MDGA2: variants seen among roughly 807,000 people sequenced by gnomAD.
MDGA2 encodes MAM domain containing glycosylphosphatidylinositol anchor 2.
A neutral mutation model predicts 117.8 loss-of-function variants in MDGA2; 40 were observed. That is an observed-to-expected ratio of 0.34 (90% CI 0.26 to 0.44). MDGA2 has a LOEUF of 0.44. Among genes scored for constraint, MDGA2 ranks in the 20% least tolerant of loss-of-function variants. The pLI, the probability that MDGA2 is intolerant of heterozygous loss-of-function variation, is 1.00. For missense variants in MDGA2, 1,123 were observed against 1,250.6 expected (o/e 0.90, Z 1.54); for synonymous variants, 452 against 439.0 (o/e 1.03, Z -0.37).
chr14:47,216,908 T>C (rs1886110335), intron 3 of MDGA2, among the ~76,000 whole-genome samples: 1 of 151,966 alleles, frequency 6.6e-6, no homozygotes, highest in South Asian at 2.1e-4. Flanking sequence ...TGAATTATGC[T>C]AAGGGATGAG....
At chr14:47,069,438 C>T (rs905664366) in intron 6 of MDGA2, among the ~76,000 whole-genome samples, 28 of 152,092 alleles carry the variant, frequency 1.8e-4, no homozygotes, top group African/African-American at 6.0e-4. Context: ...CTCCCTGGTT[C>T]ATTTGAGTTC....
At chr14:46,876,163 TAAGC>T (rs1595013702) in intron 12 of MDGA2, among the ~76,000 whole-genome samples, 1 of 151,474 alleles carries the variant, frequency 6.6e-6, no homozygotes, top group East Asian at 1.9e-4. Flanking sequence ...CAAAGATACT[TAAGC>T]AACATCAATA....
chr14:47,389,488 G>A (rs890580016), intron 1 of MDGA2, among the ~76,000 whole-genome samples: 3 of 151,432 alleles, frequency 2.0e-5, no homozygotes, highest in Admixed American at 6.6e-5. Context: ...GTCTTTTTTT[G>A]AAAACTGCTT....
At chr14:47,346,773 C>A (rs546205975) in intron 1 of MDGA2, among the ~76,000 whole-genome samples, 1 of 152,028 alleles carries the variant, frequency 6.6e-6, no homozygotes, top group South Asian at 2.1e-4. Flanking sequence ...ACTGGGAATA[C>A]AATAATAGAT....
At chr14:47,188,637 T>C (rs1352373042) in intron 3 of MDGA2, among the ~76,000 whole-genome samples, 5 of 152,204 alleles carry the variant, frequency 3.3e-5, no homozygotes, top group African/African-American at 1.2e-4. Flanking sequence ...GGGTAATTTA[T>C]TCCACAGTAA....
intron 1 of MDGA2, among the ~76,000 whole-genome samples, chr14:47,372,370 A>C (rs1373283358): frequency 6.6e-6 from 1 of 151,934 alleles, no homozygotes; most frequent in African/African-American, 2.4e-5. Flanking sequence ...AGCTCCAATA[A>C]ATTGTAGGAA....
At chr14:47,118,209 T>C (rs1408147781) in intron 5 of MDGA2, among the ~76,000 whole-genome samples, 1 of 152,166 alleles carries the variant, frequency 6.6e-6, no homozygotes, top group East Asian at 1.9e-4. Flanking sequence ...ACATTTCTTA[T>C]CAGGGATTTC....
At chr14:47,271,978 AAAC>A (rs1299896943) in intron 2 of MDGA2, among the ~76,000 whole-genome samples, 2 of 151,108 alleles carry the variant, frequency 1.3e-5, no homozygotes, top group African/African-American at 2.4e-5. Flanking sequence ...AGATATTCAT[AAAC>A]AACGTTTTGC....
intron 2 of MDGA2, among the ~76,000 whole-genome samples, chr14:47,258,338 T>C (rs1035109853): frequency 4.6e-5 from 7 of 151,962 alleles, no homozygotes; most frequent in African/African-American, 1.7e-4. Context: ...AAACTTACAA[T>C]CATGGTGGAA....
rs554754114 is a variant in MDGA2, at chr14:47,141,472, G to A, written c.792+2606C>T. Among the ~76,000 whole-genome samples, 5 of 152,252 alleles carry A rather than the reference G, an allele frequency of 3.3e-5. No individual in the cohort carries two copies. The South Asian group carries it at 1.0e-3, about 31-fold the overall frequency. On this transcript the variant is annotated intron_variant, in intron 4 of 16. Transcript: ENST00000399232. ...GAATACTATTCAGCTATGAAATAAT[G>A]AATGCAGCTATAAAATAATGAGTGT...
chr14:46,892,522 AAAAGCTTCAGTACAAC>A (rs2138421141), intron 10 of MDGA2, among the ~76,000 whole-genome samples: 1 of 152,108 alleles, frequency 6.6e-6, no homozygotes, highest in Admixed American at 6.6e-5. Flanking sequence ...CATCAAACTA[AAAAGCTTCAGTACAAC>A]AAAGGGAGCA....
intron 1 of MDGA2, among the ~76,000 whole-genome samples, chr14:47,331,931 C>T (rs187544842): frequency 2.0e-4 from 30 of 151,832 alleles, no homozygotes; most frequent in African/African-American, 5.8e-4. Context: ...TCATTTAGCA[C>T]GTACGAACAT....
intron 1 of MDGA2, among the ~76,000 whole-genome samples, chr14:47,575,281 T>A (rs1896095678): frequency 1.3e-5 from 2 of 152,236 alleles, no homozygotes; most frequent in South Asian, 4.1e-4. Context: ...AGTAATTTCC[T>A]TTTAAATACT....
At chr14:47,238,653 A>C (rs932349457) in intron 2 of MDGA2, among the ~76,000 whole-genome samples, 1 of 151,806 alleles carries the variant, frequency 6.6e-6, no homozygotes, top group East Asian at 1.9e-4. Context: ...TGGAAATGCC[A>C]TGTTCCCAGA....
intron 8 of MDGA2, among the ~76,000 whole-genome samples, chr14:47,005,058 AGTTTATTTCTTT>A (rs1354802705): frequency 2.0e-5 from 3 of 151,614 alleles, no homozygotes; most frequent in Non-Finnish European, 4.4e-5. Flanking sequence ...GAATAAAGAC[AGTTTATTTCTTT>A]GCAATATTGA....
intron 3 of MDGA2, among the ~76,000 whole-genome samples, chr14:47,160,641 G>A (rs1424048444): frequency 6.6e-6 from 1 of 152,070 alleles, no homozygotes; most frequent in East Asian, 1.9e-4. Flanking sequence ...CTCCATTCTG[G>A]ACCACAGAGC....
chr14:47,258,036 T>C (rs1028637918), intron 2 of MDGA2, among the ~76,000 whole-genome samples: 2 of 152,204 alleles, frequency 1.3e-5, no homozygotes, highest in Non-Finnish European at 2.9e-5. Context: ...CTCAATATCT[T>C]TCACTGAAAA....
chr14:47,207,157 T>A (rs1885715563), intron 3 of MDGA2, among the ~76,000 whole-genome samples: 1 of 151,884 alleles, frequency 6.6e-6, no homozygotes, highest in Non-Finnish European at 1.5e-5. Flanking sequence ...TGTAGGAGTT[T>A]ACAAGACCTT....
chr14:47,102,137 G>A (rs1880358938), intron 5 of MDGA2, among the ~76,000 whole-genome samples: 1 of 152,058 alleles, frequency 6.6e-6, no homozygotes, highest in Admixed American at 6.6e-5. Context: ...CATCCTTACA[G>A]ACTTTGGCTC....
Sources: gnomAD v4.1 joint callset for allele counts (sites outside exome capture counted in the v4.1 genomes callset) on GRCh38, gnomAD v4.1.1 for gene constraint, MANE v1.5 for transcripts, NCBI Gene and HGNC (gene_info 2026-07-23, HGNC 2026-07-21) for gene names.